The following ASTN2 variants were observed in gnomAD, a reference collection of about 807,000 sequenced individuals.
ASTN2 encodes the protein astrotactin 2.
A neutral mutation model predicts 139.8 loss-of-function variants in ASTN2; 54 were observed. The ratio of observed to expected loss-of-function variants is 0.39; its 90% confidence interval spans 0.31 to 0.48. The LOEUF is 0.48. Ranked by LOEUF, ASTN2 falls within the 20% of genes least tolerant of loss-of-function variation. ASTN2 has a pLI of 0.95. For missense variants in ASTN2, 1,565 were observed against 1,725.1 expected (o/e 0.91, Z 1.64); for synonymous variants, 756 against 719.5 (o/e 1.05, Z -0.81).
chr9:116,614,828 C>T (rs1393266495), intron 19 of ASTN2, among the ~76,000 whole-genome samples: 2 of 152,174 alleles, frequency 1.3e-5, no homozygotes, highest in African/African-American at 2.4e-5. Context: ...GATTTCATGA[C>T]TAAAGCACCA....
intron 1 of ASTN2, among the ~76,000 whole-genome samples, chr9:117,374,911 T>C (rs980632033): frequency 1.3e-5 from 2 of 152,168 alleles, no homozygotes; most frequent in Admixed American, 6.6e-5. Context: ...TGAAGACCCA[T>C]CATTTCAGAT....
chr9:116,551,497 C>A (rs1852342228), intron 19 of ASTN2, among the ~76,000 whole-genome samples: 1 of 152,178 alleles, frequency 6.6e-6, no homozygotes, highest in African/African-American at 2.4e-5. Flanking sequence ...CCAGCTCCTG[C>A]CCTTCCTGAC....
chr9:117,157,162 G>C (rs1324139169), intron 3 of ASTN2, among the ~76,000 whole-genome samples: 1 of 152,004 alleles, frequency 6.6e-6, no homozygotes, highest in Non-Finnish European at 1.5e-5. Context: ...GCCCAAGAAA[G>C]GAAGACATAG....
chr9:116,655,173 T>C (rs1400493378), intron 16 of ASTN2, among the ~76,000 whole-genome samples: 1 of 152,204 alleles, frequency 6.6e-6, no homozygotes, highest in African/African-American at 2.4e-5. Context: ...ATCCATTTCT[T>C]AGAGACTGTG....
chr9:117,011,486 G>T (rs2132592808), intron 6 of ASTN2, among the ~76,000 whole-genome samples: 1 of 152,296 alleles, frequency 6.6e-6, no homozygotes, highest in African/African-American at 2.4e-5. Flanking sequence ...CTTGATCTTG[G>T]AATCTGCAGT....
At chr9:116,871,798 T>A (rs1374653668) in intron 10 of ASTN2, among the ~76,000 whole-genome samples, 1 of 152,222 alleles carries the variant, frequency 6.6e-6, no homozygotes. Context: ...TTTATGTAGA[T>A]ACATGTTTTC....
chr9:116,536,373 G>A (rs905920606), intron 19 of ASTN2, among the ~76,000 whole-genome samples: 74 of 152,134 alleles, frequency 4.9e-4, no homozygotes, highest in Middle Eastern at 3.4e-3. Flanking sequence ...GTCTTTCTCC[G>A]TCCAGCTTTG....
At chr9:117,400,484 G>C (rs1033291521) in intron 1 of ASTN2, among the ~76,000 whole-genome samples, 1 of 152,198 alleles carries the variant, frequency 6.6e-6, no homozygotes, top group Admixed American at 6.5e-5. Flanking sequence ...AGAAAAGAGG[G>C]GAGGGAGGGA....
intron 1 of ASTN2, among the ~76,000 whole-genome samples, chr9:117,310,059 G>T (rs1177887877): frequency 1.3e-5 from 2 of 152,148 alleles, no homozygotes; most frequent in African/African-American, 4.8e-5. Context: ...ACTTGACAGG[G>T]TGTGCAGCCA....
At chr9:117,296,522 T>C (rs1222948137) in intron 1 of ASTN2, among the ~76,000 whole-genome samples, 1 of 152,132 alleles carries the variant, frequency 6.6e-6, no homozygotes, top group Non-Finnish European at 1.5e-5. Flanking sequence ...TTTTCCCTTT[T>C]CTCTTCCCCT....
At chr9:117,037,065 C>T (rs1366935164) in intron 6 of ASTN2, among the ~76,000 whole-genome samples, 2 of 152,128 alleles carry the variant, frequency 1.3e-5, no homozygotes, top group African/African-American at 4.8e-5. Context: ...AGGCAACATT[C>T]ATCCACTGGA....
At chr9:116,991,041 C>T (rs563918404) in intron 7 of ASTN2, among the ~76,000 whole-genome samples, 2 of 152,228 alleles carry the variant, frequency 1.3e-5, no homozygotes, top group South Asian at 4.1e-4. Context: ...CACATACTCC[C>T]ATTTTCTGGT....
chr9:117,288,747 A>T (rs968656231), intron 2 of ASTN2, among the ~76,000 whole-genome samples: 2 of 152,192 alleles, frequency 1.3e-5, no homozygotes, highest in Non-Finnish European at 2.9e-5. Flanking sequence ...AGCCACAGAG[A>T]GGCCTGACCT....
chr9:117,058,059 G>A (rs1005399263), intron 5 of ASTN2, among the ~76,000 whole-genome samples: 18 of 152,256 alleles, frequency 1.2e-4, no homozygotes, highest in South Asian at 2.1e-4. Context: ...TTATAACCAG[G>A]TAGAGAGGGA....
chr9:116,581,119 C>T (rs1222867345), intron 19 of ASTN2, among the ~76,000 whole-genome samples: 1 of 152,088 alleles, frequency 6.6e-6, no homozygotes, highest in Non-Finnish European at 1.5e-5. Context: ...ACCTTCCTGC[C>T]GTTAAGCTTC....
chr9:116,979,250 T>C (rs189672551), intron 7 of ASTN2, among the ~76,000 whole-genome samples: 148 of 152,198 alleles, frequency 9.7e-4, no homozygotes, highest in Non-Finnish European at 1.5e-4. Flanking sequence ...ATTCAAAATA[T>C]TCAGAATGAG....
At chr9:117,323,569 C>G (rs1399215475) in intron 1 of ASTN2, among the ~76,000 whole-genome samples, 1 of 152,168 alleles carries the variant, frequency 6.6e-6, no homozygotes, top group South Asian at 2.1e-4. Flanking sequence ...ACTCCCTGTT[C>G]TTACTCTGAA....
At chr9:116,564,241 T>G (rs1439526418) in intron 19 of ASTN2, among the ~76,000 whole-genome samples, 1 of 152,204 alleles carries the variant, frequency 6.6e-6, no homozygotes, top group Non-Finnish European at 1.5e-5. Flanking sequence ...TCTTCCATGT[T>G]AATGCACTTC....
chr9:117,026,168 A>G (rs1838073712), intron 6 of ASTN2, among the ~76,000 whole-genome samples: 1 of 152,002 alleles, frequency 6.6e-6, no homozygotes, highest in Non-Finnish European at 1.5e-5. Flanking sequence ...TTGGTCTCAC[A>G]TCGGGATGCT....
Sources: gnomAD v4.1 joint callset for allele counts (sites outside exome capture counted in the v4.1 genomes callset) on GRCh38, gnomAD v4.1.1 for gene constraint, MANE v1.5 for transcripts, NCBI Gene and HGNC (gene_info 2026-07-23, HGNC 2026-07-21) for gene names.